The following POLRMT variants were observed in gnomAD, a reference collection of about 807,000 sequenced individuals.
POLRMT encodes RNA polymerase mitochondrial.
In POLRMT, 114 loss-of-function variants were observed where a neutral mutation model predicts 132.2. The ratio of observed to expected loss-of-function variants is 0.86; its 90% CI spans 0.74 to 1.01. The LOEUF (loss-of-function observed/expected upper bound fraction) is 1.01. Among genes scored for constraint, POLRMT ranks in the 50% least tolerant of loss-of-function variants. The pLI, the probability that POLRMT is intolerant of heterozygous loss-of-function variation, is 0.00. For missense variants in POLRMT, 2,003 were observed against 1,729.1 expected (o/e 1.16, Z -2.81); for synonymous variants, 1,020 against 773.4 (o/e 1.32, Z -5.29).
chr19:622,307 G>C lies in POLRMT; in HGVS notation c.1693C>G (p.Gln565Glu), dbSNP rs1168617879. 4.5e-6 allele frequency: 7 copies of C among 1,565,626 alleles called. No homozygotes were observed. The highest frequency in any genetic ancestry group is 1.8e-5 in the Admixed American group (1 of 54,580). The change falls in exon 9 of 21, where the codon CAG becomes GAG. Residue 565 changes from glutamine to glutamate, a missense_variant. Gln to Glu is a conservative substitution (Grantham distance 29, BLOSUM62 2). Transcript: ENST00000588649. ...ELGAPEALRE[Q>E]PWPLPVQMEL... is the part of the protein sequence containing the mutation. ...ATCTGCACTGGCAGGGGCCAGGGCT[G>C]CTCCCGCAGGGCCTCGGGCGCCCCC... is the stretch of plus-strand genomic sequence containing the variant.
Position 622,887 on chromosome 19 carries a change from GC to G in POLRMT, c.1388del (p.Gly463AlafsTer42). Reference protein sequence around the residue: ...KNRLEREVYEGRFSLYPFLCL... With the variant: ...KNRLEREVYEXRFSLYPFLCL... ...ACAGGAAGGGGTAAAGTGAGAACCG[GC>G]CCTCGTACACCTCGCGCTCTAGGCG... is the stretch of plus-strand genomic sequence containing the variant. On this transcript the variant is annotated frameshift_variant, in exon 7 of 21. Transcript: ENST00000588649. LOFTEE classifies it high-confidence loss of function. 6.2e-7 allele frequency: 1 copy of G among 1,611,252 alleles called. No homozygotes were observed. The highest frequency in any genetic ancestry group is 8.5e-7 in the Non-Finnish European group (1 of 1,179,304).
chr19:621,521 C>G lies in POLRMT; in HGVS notation c.2177G>C (p.Cys726Ser). The G allele has an allele frequency of 7.2e-7, 1 of 1,389,802 alleles. No homozygotes were observed. The highest frequency in any genetic ancestry group is 1.6e-5 in the South Asian group (1 of 63,198). The allele number at this position is 1,389,802 out of a possible 1,614,324, so 86.1% of individuals were successfully genotyped here. ...LVLQLFQAKG[C>S]PQLGVPAPPS... ...CGGGGCCGGCACGCCTAGCTGGGGGCAGCCCTTGGCCTGGAAGAGCTGCAG... is the reference window on the plus strand; with the variant it reads ...CGGGGCCGGCACGCCTAGCTGGGGGGAGCCCTTGGCCTGGAAGAGCTGCAG... The change falls in exon 10 of 21, where the codon TGC becomes TCC. Residue 726 changes from cysteine to serine, a missense_variant. By Grantham distance (112) the Cys-to-Ser change is moderately radical. Transcript: ENST00000588649.
At position 617,496 on chromosome 19, in the gene POLRMT, G is replaced by A. The variant is rs375926728; in HGVS notation, c.3582-16C>T. On this transcript the variant is annotated splice_polypyrimidine_tract_variant and intron_variant, in intron 19 of 20. Coordinates refer to ENST00000588649, the MANE Select transcript of POLRMT (RefSeq NM_005035.4). ...CTTCTGGGGCCTGGGGTTGGAAGCA[G>A]GGTGGGGTGAGGCTGAGGCCAGGTT... The A allele has an allele frequency of 4.9e-5, 79 of 1,610,986 alleles. No individual in the cohort carries two copies. The African/African-American group carries it at 9.9e-4, about 20-fold the overall frequency.
intron 3 of POLRMT, among the ~76,000 whole-genome samples, chr19:627,484 T>G (rs1568174150): frequency 6.6e-6 from 1 of 151,934 alleles, no homozygotes; most frequent in East Asian, 1.9e-4. Flanking sequence ...AACCTCTGTA[T>G]GGTAGACCTC....
intron 10 of POLRMT, 134 bp from the exon 11 acceptor site, chr19:620,621 C>T (rs1033334969): frequency 6.9e-6 from 8 of 1,160,046 alleles, no homozygotes; most frequent in South Asian, 5.2e-5. Flanking sequence ...CGCATGTGGG[C>T]GAGAGACGGG....
intron 4 of POLRMT, 31 bp downstream of exon 4, chr19:625,093 G>C (rs55768440): frequency 2.4e-5 from 39 of 1,599,522 alleles, no homozygotes; most frequent in Non-Finnish European, 2.9e-5. Context: ...GGGACATGGT[G>C]GGGGGTGGGG....
In POLRMT at chr19:624,856, T is replaced by C; in HGVS notation, c.1003A>G (p.Thr335Ala). 1 of 1,613,062 alleles carries C rather than the reference T, an allele frequency of 6.2e-7. No individual in the cohort carries two copies. Among genetic ancestry groups the C allele is most frequent in the South Asian group, 1.1e-5 (1 of 91,086 alleles). The change falls in exon 5 of 21, where the codon ACC becomes GCC. Residue 335 changes from threonine to alanine, a missense_variant. By Grantham distance (58) the Thr-to-Ala change is moderately conservative. Coordinates refer to ENST00000588649, the MANE Select transcript of POLRMT (RefSeq NM_005035.4). ...QEGLKLQALF[T>A]AVLLSEEDRA... is the part of the protein sequence containing the mutation. Reference sequence around the variant, plus strand: ...TCCTCCTCAGACAGCAGAACGGCGGTGAAGAGTGCCTGCAGCTTCAGCCCC... The same window carrying C: ...TCCTCCTCAGACAGCAGAACGGCGGCGAAGAGTGCCTGCAGCTTCAGCCCC...
intron 10 of POLRMT, among the ~76,000 whole-genome samples, chr19:620,809 G>A (rs1984476371): frequency 8.3e-6 from 1 of 120,660 alleles, no homozygotes; most frequent in African/African-American, 3.2e-5. Context: ...GGGAACGCGG[G>A]GGCCCTGGGG....
At chr19:633,372 G>C in intron 1 of POLRMT, 53 bp downstream of exon 1, 3 of 1,440,968 alleles carry the variant, frequency 2.1e-6, no homozygotes, top group Non-Finnish European at 2.7e-6. Context: ...GCCGCGCGGG[G>C]AGGAGCCCAC....
intron 13 of POLRMT, 137 bp downstream of exon 13, chr19:619,449 C>T (rs1984321092): frequency 7.2e-7 from 1 of 1,393,684 alleles, no homozygotes; most frequent in Non-Finnish European, 9.9e-7. Flanking sequence ...GCAAGAAACG[C>T]CCAAGCCCTA....
At position 624,975 on chromosome 19, in the gene POLRMT, C is replaced by G. The variant is rs1468074610; in HGVS notation, c.954-70G>C. On this transcript the variant is annotated intron_variant, in intron 4 of 20. Transcript: ENST00000588649. ...TGGGCTTCCACAGACCCCAGGGGAACCTCGTGACCACCTCCTGCTAGCCTG... is the reference window on the plus strand; with the variant it reads ...TGGGCTTCCACAGACCCCAGGGGAAGCTCGTGACCACCTCCTGCTAGCCTG... 3.9e-6 allele frequency: 6 copies of G among 1,541,814 alleles called. No individual in the cohort carries two copies. In the African/African-American group the frequency reaches 8.2e-5, roughly 21 times the overall value.
At chr19:631,338 A>AGG (rs58594494) in intron 2 of POLRMT, among the ~76,000 whole-genome samples, 8,769 of 112,970 alleles carry the variant, frequency 0.078, 551 homozygotes, top group African/African-American at 0.12. Flanking sequence ...AAAAAAAAAA[A>AGG]GGGGGGGGGG....
At chr19:619,873 C>G in intron 12 of POLRMT, 85 bp downstream of exon 12, 2 of 1,584,226 alleles carry the variant, frequency 1.3e-6, no homozygotes, top group South Asian at 2.3e-5. Context: ...TCAGGACAGG[C>G]CAAGGTGAGG....
rs373851502 is a variant in POLRMT, at chr19:621,703, G to C, written c.1995C>G (p.Leu665=). 6.3e-7 allele frequency: 1 copy of C among 1,590,030 alleles called. No individual in the cohort carries two copies. The highest frequency in any genetic ancestry group is 1.7e-5 in the Admixed American group (1 of 58,960). Residue 665 remains leucine (L), a synonymous_variant, in exon 10 of 21, where the codon CTC becomes CTG. Coordinates refer to ENST00000588649, the MANE Select transcript of POLRMT (RefSeq NM_005035.4). ...WTSPHSGAFL[L]SPTKLMRTVE... ...CCGTGCGCATCAGCTTGGTGGGGCT[G>C]AGCAGGAAAGCACCAGAGTGCGGCG...
At position 628,602 on chromosome 19, in the gene POLRMT, T is replaced by A. The variant is rs985345377; in HGVS notation, c.822+938A>T. On this transcript the variant is annotated intron_variant, in intron 3 of 20. Transcript: ENST00000588649. ...CAAATATTAAGAGAAGCTTTTACTGTTGTTTCTCAAATTAGGGCTGAAGGA... is the reference window on the plus strand; with the variant it reads ...CAAATATTAAGAGAAGCTTTTACTGATGTTTCTCAAATTAGGGCTGAAGGA... 7.3e-5 allele frequency among the ~76,000 whole-genome samples: 11 copies of A among 150,748 alleles called. No individual in the cohort carries two copies. In the East Asian group the frequency reaches 1.8e-3, roughly 24 times the overall value.
At chr19:631,157 T>TAA (rs144110127) in intron 2 of POLRMT, among the ~76,000 whole-genome samples, 1 of 147,176 alleles carries the variant, frequency 6.8e-6, no homozygotes. Context: ...ATAATCCATC[T>TAA]AAAAAAAAAA....
intron 5 of POLRMT, 76 bp from the exon 6 acceptor site, chr19:623,679 G>A: frequency 7.3e-6 from 11 of 1,517,194 alleles, no homozygotes; most frequent in Non-Finnish European, 9.0e-6. Flanking sequence ...AGACAGCATG[G>A]GTGCACGCGT....
Position 622,143 on chromosome 19 carries a change from T to C in POLRMT, c.1851+6A>G. ...CCCCCCAGCTCAGGAGGGCACTGCC[T>C]GGCACCTGCTGGACGTTGCGGAAGG... On this transcript the variant is annotated splice_donor_region_variant and intron_variant, in intron 9 of 20. Transcript: ENST00000588649. 6.5e-7 allele frequency: 1 copy of C among 1,543,278 alleles called. No homozygotes were observed. The highest frequency in any genetic ancestry group is 8.7e-7 in the Non-Finnish European group (1 of 1,146,596).
At position 619,598 on chromosome 19, in the gene POLRMT, G is replaced by A. The variant is rs1206698766; in HGVS notation, c.3054C>T (p.Ser1018=). ...ATGCCTGGCGCACCTGGGGAAAGTC[G>A]CTCAGCTCCCGGAGGCGCTTCTCAA... ...LQIEKRLREL[S]DFPQEFVWEA... Residue 1018 remains serine, a synonymous_variant, in exon 13 of 21, where the codon AGC becomes AGT. Transcript: ENST00000588649. 4.4e-5 allele frequency: 71 copies of A among 1,611,132 alleles called. No homozygotes were observed. Among genetic ancestry groups the A allele is most frequent in the Non-Finnish European group, 5.8e-5 (69 of 1,179,626 alleles).
Sources: gnomAD v4.1 joint callset for allele counts (sites outside exome capture counted in the v4.1 genomes callset) on GRCh38, gnomAD v4.1.1 for gene constraint, MANE v1.5 for transcripts, NCBI Gene and HGNC (gene_info 2026-07-23, HGNC 2026-07-21) for gene names.